Variants in CD99L2 observed in about 807,000 individuals in gnomAD.
CD99L2 encodes the protein CD99 molecule like 2.
CD99L2 carries 24 observed loss-of-function variants against 27.3 expected under a neutral mutation model. The ratio of observed to expected loss-of-function variants is 0.88; its 90% CI spans 0.64 to 1.24. The LOEUF (loss-of-function observed/expected upper bound fraction) is 1.24, where lower values mean the gene tolerates loss of function less well. Ranked by LOEUF, CD99L2 falls within the 50% of genes most tolerant of loss-of-function variation. The pLI, the probability that CD99L2 is intolerant of heterozygous loss-of-function variation, is 0.00. For synonymous variants in CD99L2, 97 were observed against 87.9 expected (o/e 1.10, Z -0.58); for missense variants, 255 against 221.6 (o/e 1.15, Z -0.96).
In CD99L2 at chrX:150,787,888, GTATATATATATATATATA is replaced by G. The variant is rs527795783; in HGVS notation, c.496+5785_496+5802del. Among the ~76,000 whole-genome samples, 562 of 63,849 alleles carry G rather than the reference GTATATATATATATATATA, an allele frequency of 8.8e-3. 11 individuals carry two copies. Among genetic ancestry groups the G allele is most frequent in the Middle Eastern group, 0.028 (3 of 106 alleles). The allele number at this position is 63,849 out of a possible 115,157, so 55.4% of individuals were successfully genotyped here. ...GTGTACATGTACCCTAGAACTTAAA[GTATATATATATATATATA>G]TATATATATATATATATATAAAAGG... On this transcript the variant is annotated intron_variant, in intron 7 of 10. Coordinates refer to ENST00000370377, the MANE Select transcript of CD99L2 (RefSeq NM_031462.4).
chrX:150,873,426 G>C (rs1029582457), intron 1 of CD99L2, among the ~76,000 whole-genome samples: 1 of 112,056 alleles, frequency 8.9e-6, no homozygotes, highest in South Asian at 3.7e-4. Flanking sequence ...CAAATATGGA[G>C]TGACTGCTTA....
intron 1 of CD99L2, among the ~76,000 whole-genome samples, chrX:150,837,015 G>A (rs1403553101): frequency 1.8e-5 from 2 of 111,892 alleles, no homozygotes; most frequent in African/African-American, 6.5e-5. Context: ...ATAGCCATGA[G>A]TATATATATG....
intron 7 of CD99L2, among the ~76,000 whole-genome samples, chrX:150,792,642 C>T (rs1353512069): frequency 8.9e-6 from 1 of 112,139 alleles, no homozygotes; most frequent in Non-Finnish European, 1.9e-5. Flanking sequence ...GAGTTACAAC[C>T]AGATACACCC....
chrX:150,776,232 G>A lies in CD99L2; in HGVS notation c.597C>T (p.Ile199=), dbSNP rs781870881. The A allele has an allele frequency of 1.2e-4, 146 of 1,209,981 alleles. No homozygotes were observed. Among genetic ancestry groups the A allele is most frequent in the African/African-American group, 4.7e-4 (27 of 57,316 alleles). The change falls in exon 9 of 11, where the codon ATC becomes ATT. Residue 199 remains isoleucine, a synonymous_variant. Transcript: ENST00000370377. The part of the protein sequence containing the change: ...GVASALAMAL[I]GAVSSYISYQ... ...AGGAGATGTAGCTGGAGACGGCACC[G>A]ATGAGGGCCATGGCCAGGGCGCTGG... is the stretch of plus-strand genomic sequence containing the variant.
rs181271315 is a variant in CD99L2 at position 150,857,511 on chromosome X, T to C, written c.68-26218A>G. Among the ~76,000 whole-genome samples the C allele has an allele frequency of 1.9e-4, 21 of 111,161 alleles. No homozygotes were observed. In the East Asian group the frequency reaches 5.9e-3, roughly 31 times the overall value. On this transcript the variant is annotated intron_variant, in intron 1 of 10. Coordinates refer to ENST00000370377, the MANE Select transcript of CD99L2 (RefSeq NM_031462.4). ...CCAAGGATACTATCCATCAAAATCA[T>C]TCTTCATAAAATGAAGGAGAAATAA...
At chrX:150,869,995 T>C (rs2047131204) in intron 1 of CD99L2, among the ~76,000 whole-genome samples, 1 of 111,445 alleles carries the variant, frequency 9.0e-6, no homozygotes, top group African/African-American at 3.3e-5. Context: ...CACTCTTGAT[T>C]ATAGCAAAAA....
chrX:150,770,281 G>C (rs1557418984), intron 10 of CD99L2, 23 bp downstream of exon 10: 2 of 1,198,249 alleles, frequency 1.7e-6, no homozygotes, highest in Admixed American at 2.2e-5. Context: ...GTCAGCAAGG[G>C]ACAGTGAGTA....
chrX:150,802,702 C>T (rs1159791627), intron 4 of CD99L2, among the ~76,000 whole-genome samples: 1 of 101,930 alleles, frequency 9.8e-6, no homozygotes, highest in Non-Finnish European at 2.0e-5. Context: ...CTGCCTCAGC[C>T]TCCTGAGTCG....
intron 4 of CD99L2, among the ~76,000 whole-genome samples, chrX:150,801,622 A>T (rs1380767523): frequency 9.1e-6 from 1 of 110,141 alleles, no homozygotes; most frequent in Non-Finnish European, 1.9e-5. Flanking sequence ...ACCTTATTAA[A>T]GAAAAAAAAA....
chrX:150,804,912 G>A (rs1361647160), intron 4 of CD99L2, among the ~76,000 whole-genome samples: 6 of 110,465 alleles, frequency 5.4e-5, no homozygotes, highest in Middle Eastern at 4.9e-3. Context: ...CTGGCCAGGC[G>A]TGGTGGCTCA....
chrX:150,881,552 C>G (rs1557422488), intron 1 of CD99L2, among the ~76,000 whole-genome samples: 1 of 112,617 alleles, frequency 8.9e-6, no homozygotes, highest in African/African-American at 3.2e-5. Context: ...GGTCCAGCAC[C>G]AAGCAAGATG....
At chrX:150,867,397 T>C (rs1287888932) in intron 1 of CD99L2, among the ~76,000 whole-genome samples, 3 of 111,611 alleles carry the variant, frequency 2.7e-5, no homozygotes, top group African/African-American at 9.8e-5. Context: ...GGCAACAGAC[T>C]GAGACCTTGT....
chrX:150,824,583 A>AGAAGG (rs1569566010), intron 2 of CD99L2, among the ~76,000 whole-genome samples: 3 of 89,860 alleles, frequency 3.3e-5, no homozygotes, highest in Non-Finnish European at 4.5e-5. Flanking sequence ...GGAGGAGGAG[A>AGAAGG]AGGAGGAGAA....
At chrX:150,855,748 G>A (rs1557421724) in intron 1 of CD99L2, among the ~76,000 whole-genome samples, 1 of 111,278 alleles carries the variant, frequency 9.0e-6, no homozygotes, top group African/African-American at 3.3e-5. Context: ...TTGAAGTGAT[G>A]TAGCTGCAGG....
intron 2 of CD99L2, among the ~76,000 whole-genome samples, chrX:150,824,241 GA>G (rs2046300444): frequency 1.5e-5 from 1 of 68,869 alleles, no homozygotes; most frequent in African/African-American, 5.9e-5. Context: ...GAAGAAAGAA[GA>G]AGGAGGAGGA....
At chrX:150,832,511 G>A (rs1193985405) in intron 1 of CD99L2, among the ~76,000 whole-genome samples, 2 of 111,354 alleles carry the variant, frequency 1.8e-5, no homozygotes, top group African/African-American at 6.5e-5. Context: ...TGTAATCCCA[G>A]CTATTCATCT....
intron 9 of CD99L2, among the ~76,000 whole-genome samples, chrX:150,773,375 A>G (rs782555558): frequency 1.8e-5 from 2 of 113,182 alleles, no homozygotes; most frequent in East Asian, 5.6e-4. Context: ...CAAGCGCACG[A>G]TGCCCGGGAC....
chrX:150,770,026 CCTGGGG>C (rs1557418963), intron 10 of CD99L2, among the ~76,000 whole-genome samples: 2 of 112,956 alleles, frequency 1.8e-5, no homozygotes, highest in African/African-American at 6.4e-5. Flanking sequence ...AGCAGAGGTG[CCTGGGG>C]CTCTGGCTCG....
At chrX:150,850,249 G>C (rs1344075087) in intron 1 of CD99L2, among the ~76,000 whole-genome samples, 7 of 112,122 alleles carry the variant, frequency 6.2e-5, no homozygotes, top group African/African-American at 2.3e-4. Flanking sequence ...AATCTAGCTT[G>C]CCTACTTTCT....
Sources: allele counts gnomAD v4.1 joint callset (sites outside exome capture counted in the v4.1 genomes callset), GRCh38; gene constraint gnomAD v4.1.1; transcripts MANE v1.5; gene names NCBI Gene and HGNC (gene_info 2026-07-23, HGNC 2026-07-21).